The following IQSEC1 variants were observed in gnomAD, a reference collection of about 807,000 sequenced individuals.
IQSEC1 encodes the protein IQ motif and Sec7 domain ArfGEF 1.
A neutral mutation model predicts 91.0 loss-of-function variants in IQSEC1; 31 were observed. That is an observed-to-expected ratio of 0.34 (90% CI 0.26 to 0.46). The LOEUF is 0.46. Ranked by LOEUF, IQSEC1 falls within the 20% of genes least tolerant of loss-of-function variation. The probability of loss-of-function intolerance (pLI) is 1.00; values close to 1 mark genes in which losing one functional copy is unlikely to be tolerated. For synonymous variants in IQSEC1, 699 were observed against 662.6 expected (o/e 1.05, Z -0.84); for missense variants, 1,388 against 1,575.6 (o/e 0.88, Z 2.02).
At chr3:12,951,739 G>A (rs769068232) in intron 1 of IQSEC1, among the ~76,000 whole-genome samples, 15 of 152,216 alleles carry the variant, frequency 9.9e-5, no homozygotes, top group Non-Finnish European at 1.6e-4. Context: ...AATGCTGGTC[G>A]CCTCCCCTGG....
upstream of IQSEC1, among the ~76,000 whole-genome samples, chr3:13,076,868 TC>T (rs1244743468): frequency 6.6e-6 from 1 of 152,106 alleles, no homozygotes; most frequent in Non-Finnish European, 1.5e-5. Flanking sequence ...TAAATCTTAT[TC>T]CCCGTTCCAA....
At position 12,909,085 on chromosome 3, in the gene IQSEC1, T is replaced by A. The variant is rs1029486587; in HGVS notation, c.2578+188A>T. 1.3e-5 allele frequency among the ~76,000 whole-genome samples: 2 copies of A among 152,182 alleles called. 1 individual carries two copies. The highest frequency in any genetic ancestry group is 4.1e-4 in the South Asian group (2 of 4,830). The stretch of plus-strand genomic sequence containing the variant: ...GGCAACAGGTAGGGCGGGTCCTGGA[T>A]TGGACTCCCTCTGTGCCTCCTGCAG... On this transcript the variant is annotated intron_variant, in intron 11 of 13. Coordinates refer to ENST00000613206, the MANE Select transcript of IQSEC1 (RefSeq NM_001134382.3). The surrounding 1 kb of genome is among the most constrained non-coding windows in gnomAD (Gnocchi z 4.9).
intron 1 of IQSEC1, among the ~76,000 whole-genome samples, chr3:12,966,098 C>G (rs763859529): frequency 1.3e-5 from 2 of 152,124 alleles, no homozygotes; most frequent in African/African-American, 2.4e-5. Context: ...CTATGAGGGC[C>G]GCGGGTGTGT....
chr3:13,250,607 AT>A (rs542672359), intron 1 of IQSEC1, among the ~76,000 whole-genome samples: 10,162 of 78,940 alleles, frequency 0.13, 501 homozygotes, highest in African/African-American at 0.37. Context: ...CAGATAATTT[AT>A]TTTATTTTAT....
At chr3:13,154,460 T>TATATATATATATATATATACACACATAC in intron 2 of IQSEC1, among the ~76,000 whole-genome samples, 1 of 59,434 alleles carries the variant, frequency 1.7e-5, no homozygotes, top group Non-Finnish European at 3.1e-5. Context: ...TATATATATA[T>TATATATATATATATATATACACACATAC]ATATATATAT....
At chr3:13,216,475 G>A (rs1037957696) in intron 1 of IQSEC1, among the ~76,000 whole-genome samples, 1 of 152,202 alleles carries the variant, frequency 6.6e-6, no homozygotes. Flanking sequence ...CACACCCAGG[G>A]CTAGCAGAGC....
Position 12,897,330 on chromosome 3 carries a change from C to T in IQSEC1, c.*3653G>A, listed in dbSNP as rs1450482463. ...AATGCAGATGAAAACAAACGCACTC[C>T]TTTCCTCTCAAAGGTACACAGTGGG... On this transcript the variant is annotated 3_prime_UTR_variant, in exon 14 of 14. Transcript: ENST00000613206. The T allele has an allele frequency of 6.6e-6, 1 of 152,266 alleles. No individual in the cohort carries two copies. Among genetic ancestry groups the T allele is most frequent in the Non-Finnish European group, 1.5e-5 (1 of 68,048 alleles). The allele number at this position is 152,266 out of a possible 1,614,324, so 9.4% of individuals were successfully genotyped here. A position where few individuals can be genotyped will look rare whatever the true frequency, so the allele number is the denominator to read the frequency against.
intron 2 of IQSEC1, among the ~76,000 whole-genome samples, chr3:13,102,589 G>A (rs1399548040): frequency 2.0e-5 from 3 of 152,196 alleles, no homozygotes; most frequent in Admixed American, 6.5e-5. Flanking sequence ...CCACAGCACT[G>A]TCCTTCCCCG....
chr3:12,938,445 C>T (rs1337281962), intron 2 of IQSEC1, among the ~76,000 whole-genome samples: 1 of 152,188 alleles, frequency 6.6e-6, no homozygotes, highest in Non-Finnish European at 1.5e-5. Flanking sequence ...GTGGTCCCAG[C>T]AGGCTGGGTG....
chr3:13,237,211 A>G (rs1357698892), intron 1 of IQSEC1, among the ~76,000 whole-genome samples: 6 of 152,254 alleles, frequency 3.9e-5, no homozygotes, highest in African/African-American at 1.4e-4. Context: ...AACCGTGGCC[A>G]TGGAAGAGCC....
At chr3:12,926,725 C>T (rs1417359065) in intron 3 of IQSEC1, among the ~76,000 whole-genome samples, 5 of 152,230 alleles carry the variant, frequency 3.3e-5, no homozygotes, top group Non-Finnish European at 7.3e-5. Flanking sequence ...AACCGGTGTC[C>T]ACCTGCCCCA....
intron 1 of IQSEC1, among the ~76,000 whole-genome samples, chr3:13,253,455 A>G (rs1438162891): frequency 6.6e-6 from 1 of 152,166 alleles, no homozygotes; most frequent in East Asian, 1.9e-4. Flanking sequence ...GTGCGGTGAC[A>G]CTGGACAGGG....
At chr3:13,236,981 C>T (rs1486920340) in intron 1 of IQSEC1, among the ~76,000 whole-genome samples, 3 of 152,212 alleles carry the variant, frequency 2.0e-5, no homozygotes, top group Non-Finnish European at 4.4e-5. Flanking sequence ...TGGCCCCACA[C>T]CTGGCTCACA....
intron 1 of IQSEC1, among the ~76,000 whole-genome samples, chr3:13,046,442 C>T (rs1704497808): frequency 1.3e-5 from 2 of 152,238 alleles, no homozygotes; most frequent in Admixed American, 1.3e-4. Flanking sequence ...CCCTGCAGCC[C>T]AGAGTTTCAG....
At position 12,898,176 on chromosome 3, in the gene IQSEC1, G is replaced by A. The variant is rs1245639649; in HGVS notation, c.*2807C>T. On this transcript the variant is annotated 3_prime_UTR_variant, in exon 14 of 14. Coordinates refer to ENST00000613206, the MANE Select transcript of IQSEC1 (RefSeq NM_001134382.3). ...GGGGATGTGATGACAGGACCCCGAA[G>A]CTGTGGCTCTGACAGGTGGGATCTC... 1 of 152,290 alleles carries A rather than the reference G, an allele frequency of 6.6e-6. No individual in the cohort carries two copies. The highest frequency in any genetic ancestry group is 2.4e-5 in the African/African-American group (1 of 41,456). 9.4% of individuals were successfully genotyped at this position (152,290 alleles called of 1,614,324 possible).
chr3:13,023,703 T>C (rs1703497411), intron 1 of IQSEC1, among the ~76,000 whole-genome samples: 2 of 152,206 alleles, frequency 1.3e-5, no homozygotes, highest in African/African-American at 2.4e-5. Context: ...GATTAGCAGC[T>C]GCAGGCTTCT....
intron 1 of IQSEC1, among the ~76,000 whole-genome samples, chr3:12,945,867 C>T (rs1699146328): frequency 6.6e-6 from 1 of 152,224 alleles, no homozygotes; most frequent in African/African-American, 2.4e-5. Context: ...GACTCTGCTG[C>T]TAGGAGTATA....
chr3:12,933,039 C>T (rs1409765285), intron 3 of IQSEC1, among the ~76,000 whole-genome samples: 1 of 152,262 alleles, frequency 6.6e-6, no homozygotes, highest in African/African-American at 2.4e-5. Flanking sequence ...AGACAGAGGC[C>T]TGTGCCAGGA....
chr3:13,250,199 A>G (rs1290625905), intron 1 of IQSEC1, among the ~76,000 whole-genome samples: 3 of 152,216 alleles, frequency 2.0e-5, no homozygotes, highest in Admixed American at 6.5e-5. Context: ...AACGAAGGCC[A>G]GCTGGGTTTG....
Sources: allele counts gnomAD v4.1 joint callset (sites outside exome capture counted in the v4.1 genomes callset), GRCh38; gene constraint gnomAD v4.1.1; non-coding constraint Gnocchi (gnomAD v3.1); transcripts MANE v1.5; gene names NCBI Gene and HGNC (gene_info 2026-07-23, HGNC 2026-07-21).